The following MYO3A variants were observed in gnomAD, a reference collection of about 807,000 sequenced individuals.
The protein encoded by MYO3A is myosin-IIIa.
A neutral mutation model predicts 192.7 loss-of-function variants in MYO3A; 180 were observed. The ratio of observed to expected loss-of-function variants is 0.93; its 90% confidence interval spans 0.83 to 1.06. MYO3A has a LOEUF of 1.06. Ranked by LOEUF, MYO3A falls within the 50% of genes least tolerant of loss-of-function variation. MYO3A has a pLI of 0.00. For synonymous variants in MYO3A, 628 were observed against 645.3 expected, an observed-to-expected ratio of 0.97 and a Z score of 0.41; for missense variants, 1,896 against 1,905.0, an observed-to-expected ratio of 1.00 and a Z score of 0.09.
chr10:26,151,196 T>G (rs549890287), intron 23 of MYO3A, among the ~76,000 whole-genome samples: 7 of 152,202 alleles, frequency 4.6e-5, no homozygotes, highest in Non-Finnish European at 1.0e-4. Context: ...TCCACTTGAT[T>G]GAGAGTATTG....
intron 10 of MYO3A, among the ~76,000 whole-genome samples, chr10:26,054,976 T>G (rs1844229119): frequency 6.6e-6 from 1 of 152,218 alleles, no homozygotes; most frequent in African/African-American, 2.4e-5. Flanking sequence ...TACATAGGTC[T>G]ACTTCCTGCT....
rs1029859735 is a variant in MYO3A, at chr10:26,143,326, G to A, written c.2263-122G>A. 95 of 1,011,876 alleles carry A rather than the reference G, an allele frequency of 9.4e-5. 1 individual carries two copies. The highest frequency in any genetic ancestry group is 4.6e-4 in the East Asian group (17 of 37,340). The allele number at this position is 1,011,876 out of a possible 1,614,324, so 62.7% of individuals were successfully genotyped here. On this transcript the variant is annotated intron_variant, in intron 20 of 34. Transcript: ENST00000642920. ...AGCCTGGACGACAGAGCGAGTCTCC[G>A]TCACAAAAAAAGCAAGGTCAAAGGG...
At chr10:25,982,145 T>G (rs1196240404) in intron 4 of MYO3A, among the ~76,000 whole-genome samples, 3 of 152,112 alleles carry the variant, frequency 2.0e-5, no homozygotes. Context: ...GCTGGTGACC[T>G]GTGTGACTCA....
At chr10:26,017,907 C>G (rs1842069207) in intron 7 of MYO3A, among the ~76,000 whole-genome samples, 1 of 150,518 alleles carries the variant, frequency 6.6e-6, no homozygotes, top group Non-Finnish European at 1.5e-5. Flanking sequence ...TTAAAACTTA[C>G]CAAAAAATTA....
At chr10:26,195,923 C>G (rs887218498) in intron 32 of MYO3A, among the ~76,000 whole-genome samples, 17 of 152,146 alleles carry the variant, frequency 1.1e-4, no homozygotes, top group African/African-American at 4.1e-4. Flanking sequence ...TGCATTCAAC[C>G]TGACACATAG....
At chr10:26,099,579 T>C (rs1837299213) in intron 17 of MYO3A, among the ~76,000 whole-genome samples, 1 of 152,174 alleles carries the variant, frequency 6.6e-6, no homozygotes, top group African/African-American at 2.4e-5. Flanking sequence ...TTTTGAGATA[T>C]GAACCATCAA....
intron 32 of MYO3A, among the ~76,000 whole-genome samples, chr10:26,195,820 C>G (rs1443775658): frequency 6.6e-6 from 1 of 152,224 alleles, no homozygotes; most frequent in Non-Finnish European, 1.5e-5. Context: ...CTTCCTATAT[C>G]CTCCCGAAGA....
chr10:26,170,659 A>G, intron 29 of MYO3A, 120 bp downstream of exon 29: 13 of 1,051,644 alleles, frequency 1.2e-5, no homozygotes, highest in Admixed American at 2.3e-5. Flanking sequence ...GACACATCAA[A>G]TGTCAGTGAA....
intron 6 of MYO3A, among the ~76,000 whole-genome samples, chr10:26,001,230 A>G (rs144773485): frequency 2.6e-5 from 4 of 152,332 alleles, no homozygotes; most frequent in East Asian, 1.9e-4. Flanking sequence ...GCGGTGAGCC[A>G]CATCATTGCT....
At chr10:26,203,311 T>TG (rs1843762250) in intron 34 of MYO3A, among the ~76,000 whole-genome samples, 1 of 152,232 alleles carries the variant, frequency 6.6e-6, no homozygotes, top group Admixed American at 6.5e-5. Flanking sequence ...TAGCAAAAAC[T>TG]GAGTTTTTAT....
intron 32 of MYO3A, among the ~76,000 whole-genome samples, chr10:26,196,018 C>A (rs760136621): frequency 1.3e-5 from 2 of 152,134 alleles, no homozygotes; most frequent in Non-Finnish European, 2.9e-5. Flanking sequence ...TGAGAAAAAT[C>A]TAAAATTCCA....
At chr10:26,158,326 C>T (rs1275316760) in intron 26 of MYO3A, among the ~76,000 whole-genome samples, 2 of 151,608 alleles carry the variant, frequency 1.3e-5, no homozygotes, top group South Asian at 2.1e-4. Context: ...GATCTCAGCT[C>T]ACTGCAAGCT....
chr10:25,961,739 G>C (rs1234174365), intron 4 of MYO3A, among the ~76,000 whole-genome samples: 2 of 152,158 alleles, frequency 1.3e-5, no homozygotes, highest in Non-Finnish European at 2.9e-5. Context: ...TAAGTGGCTA[G>C]ATGTACAATT....
At chr10:26,173,524 G>A in intron 29 of MYO3A, 139 bp from the exon 30 acceptor site, 2 of 733,004 alleles carry the variant, frequency 2.7e-6, no homozygotes. Context: ...TGATTAATGT[G>A]ACTTGATACT....
In MYO3A at chr10:26,117,385, T is replaced by A. The variant is rs192945264; in HGVS notation, c.1777-3291T>A. ...GTTTATTAATATAGGGAAACGTGTG[T>A]CACGGGGGTTTGTTGTACAGATTAT... On this transcript the variant is annotated intron_variant, in intron 17 of 34. Coordinates refer to ENST00000642920, the MANE Select transcript of MYO3A (RefSeq NM_017433.5). 2.4e-4 allele frequency among the ~76,000 whole-genome samples: 36 copies of A among 152,310 alleles called. No homozygotes were observed. The East Asian group carries it at 6.7e-3, about 29-fold the overall frequency.
intron 23 of MYO3A, among the ~76,000 whole-genome samples, chr10:26,148,704 G>A (rs1355561667): frequency 1.3e-5 from 2 of 152,078 alleles, no homozygotes; most frequent in Non-Finnish European, 2.9e-5. Flanking sequence ...TACAAGTTTT[G>A]CACATCCTTT....
At position 25,952,150 on chromosome 10, in the gene MYO3A, T is replaced by C; in HGVS notation, c.40T>C (p.Phe14Leu). ...LIGKTIIFDN[F>L]PDPSDTWEIT... ...TGGAAAAACAATCATCTTTGATAAC[T>C]TTCCTGATCCTTCTGATACATGGGA... The change falls in exon 3 of 35, where the codon TTT becomes CTT. Residue 14 changes from phenylalanine (F) to leucine (L), a missense_variant. Transcript: ENST00000642920. The C allele has an allele frequency of 6.2e-7, 1 of 1,612,430 alleles. No individual in the cohort carries two copies. The highest frequency in any genetic ancestry group is 8.5e-7 in the Non-Finnish European group (1 of 1,178,852).
intron 10 of MYO3A, among the ~76,000 whole-genome samples, chr10:26,054,915 T>C (rs1194516847): frequency 6.6e-6 from 1 of 152,214 alleles, no homozygotes; most frequent in Non-Finnish European, 1.5e-5. Flanking sequence ...ACTCATTGTT[T>C]TATGCCACAA....
chr10:26,198,648 GT>G (rs1369775669), intron 32 of MYO3A, among the ~76,000 whole-genome samples: 1 of 152,144 alleles, frequency 6.6e-6, no homozygotes, highest in African/African-American at 2.4e-5. Context: ...GAATTTTAAC[GT>G]TTTGTCATAA....
Sources: gnomAD v4.1 joint callset for allele counts (sites outside exome capture counted in the v4.1 genomes callset) on GRCh38, gnomAD v4.1.1 for gene constraint, MANE v1.5 for transcripts, NCBI Gene and HGNC (gene_info 2026-07-23, HGNC 2026-07-21) for gene names.